The following ABCA1 variants were observed in gnomAD, a reference collection of about 807,000 sequenced individuals.
The protein encoded by ABCA1 is phospholipid-transporting ATPase ABCA1.
A neutral mutation model predicts 262.5 loss-of-function variants in ABCA1; 133 were observed. The ratio of observed to expected loss-of-function variants is 0.51; its 90% CI spans 0.44 to 0.59. The LOEUF is 0.59. Ranked by LOEUF, ABCA1 falls within the 20% of genes least tolerant of loss-of-function variation. ABCA1 has a pLI of 0.00. For missense variants in ABCA1, 2,452 were observed against 2,777.5 expected (o/e 0.88, Z 2.63); for synonymous variants, 1,022 against 1,043.5 (o/e 0.98, Z 0.40).
intron 18 of ABCA1, among the ~76,000 whole-genome samples, chr9:104,823,035 T>G (rs7025776): frequency 0.15 from 22,565 of 151,048 alleles, 2,565 homozygotes; most frequent in African/African-American, 0.31. Context: ...ACACACAACT[T>G]GGATAGATCT....
intron 8 of ABCA1, among the ~76,000 whole-genome samples, chr9:104,841,677 A>G (rs949453251): frequency 3.9e-5 from 6 of 152,064 alleles, no homozygotes; most frequent in Middle Eastern, 3.2e-3. Flanking sequence ...CAAAGCTACA[A>G]CAGTGTGTGG....
rs144805073 is a variant in ABCA1, at chr9:104,847,000, G to C, written c.721-1431C>G. 4.3e-4 allele frequency among the ~76,000 whole-genome samples: 66 copies of C among 152,242 alleles called. No homozygotes were observed. In the Middle Eastern group the frequency reaches 0.017, roughly 39 times the overall value. On this transcript the variant is annotated intron_variant, in intron 7 of 49. Coordinates refer to ENST00000374736, the MANE Select transcript of ABCA1 (RefSeq NM_005502.4). ...GAAAACTATTACAAACACAAACTGA[G>C]AGATCTTAATTGAAAGCTATAGGAG... is the stretch of plus-strand genomic sequence containing the variant.
intron 11 of ABCA1, among the ~76,000 whole-genome samples, chr9:104,835,260 A>G (rs968078443): frequency 5.9e-5 from 9 of 151,708 alleles, no homozygotes; most frequent in South Asian, 4.2e-4. Flanking sequence ...AAAAAAAAAA[A>G]AGAGAAAGAG....
At chr9:104,865,148 T>C (rs972870062) in intron 5 of ABCA1, among the ~76,000 whole-genome samples, 1 of 152,140 alleles carries the variant, frequency 6.6e-6, no homozygotes, top group Non-Finnish European at 1.5e-5. Context: ...TGGTGTAGTA[T>C]ACTGGTTCTC....
At chr9:104,844,027 GAA>G (rs58449867) in intron 8 of ABCA1, among the ~76,000 whole-genome samples, 13,290 of 125,236 alleles carry the variant, frequency 0.11, 2,032 homozygotes, top group African/African-American at 0.34. Context: ...TTTAATGCCA[GAA>G]AAAAAAAAAA....
At chr9:104,886,343 T>C (rs1839172750) in intron 3 of ABCA1, among the ~76,000 whole-genome samples, 1 of 152,212 alleles carries the variant, frequency 6.6e-6, no homozygotes, top group Non-Finnish European at 1.5e-5. Flanking sequence ...CTTTCTTTTC[T>C]ATCCATACTC....
intron 6 of ABCA1, among the ~76,000 whole-genome samples, chr9:104,861,088 A>G (rs1179848980): frequency 1.3e-5 from 2 of 152,138 alleles, no homozygotes; most frequent in Non-Finnish European, 2.9e-5. Flanking sequence ...GAGCTTTGTG[A>G]CACTAGTCCG....
rs1448484388 is a variant in ABCA1, at chr9:104,862,067, CACACACACAT to C, written c.422-277_422-268del. ...GTGCTGTTACACACACACACACACA[CACACACACAT>C]ACACACACACACAGCCTTTCCTTTT... On this transcript the variant is annotated intron_variant, in intron 5 of 49. Coordinates refer to ENST00000374736, the MANE Select transcript of ABCA1 (RefSeq NM_005502.4). Among the ~76,000 whole-genome samples the C allele has an allele frequency of 9.5e-4, 142 of 149,682 alleles. 4 individuals carry two copies. The highest frequency in any genetic ancestry group is 6.8e-3 in the Middle Eastern group (2 of 292).
intron 8 of ABCA1, among the ~76,000 whole-genome samples, chr9:104,841,441 AAAAAAG>A (rs3837273): frequency 0.25 from 37,458 of 150,740 alleles, 5,445 homozygotes; most frequent in East Asian, 0.43. Flanking sequence ...AGTCTTAAAA[AAAAAAG>A]AAAAAGAAAA....
chr9:104,785,918 C>G (rs1828886353), intron 48 of ABCA1, among the ~76,000 whole-genome samples: 2 of 152,218 alleles, frequency 1.3e-5, no homozygotes, highest in Admixed American at 1.3e-4. Context: ...GAGTTAGTCA[C>G]TTGCCCATGG....
chr9:104,848,359 A>C lies in ABCA1; in HGVS notation c.721-2790T>G, dbSNP rs188582379. 1.7e-3 allele frequency among the ~76,000 whole-genome samples: 256 copies of C among 152,220 alleles called. 2 individuals carry two copies. The highest frequency in any genetic ancestry group is 6.0e-3 in the African/African-American group (249 of 41,554). On this transcript the variant is annotated intron_variant, in intron 7 of 49. Transcript: ENST00000374736. ...GCTGGGCATGGTGGCTCACACCTGT[A>C]ATCTCAACACTTTGGGAAGCCAAAG... is the stretch of plus-strand genomic sequence containing the variant.
At chr9:104,852,580 G>C (rs768965631) in intron 7 of ABCA1, among the ~76,000 whole-genome samples, 2 of 152,206 alleles carry the variant, frequency 1.3e-5, no homozygotes, top group Non-Finnish European at 2.9e-5. Context: ...GAAAATGTCT[G>C]TGTAAATGGA....
rs773660829 is a variant in ABCA1 at position 104,790,954 on chromosome 9, A to T, written c.5895T>A (p.Val1965=). The T allele has an allele frequency of 5.0e-6, 8 of 1,613,698 alleles. No homozygotes were observed. The African/African-American group carries it at 6.7e-5, about 13-fold the overall frequency. ...TGTTAAGGAAAGCATCTCCTCTGGT[A>T]ACAGTGGTATCTCCTGTTAACATCT... ...TFKMLTGDTT[V]TRGDAFLNKN... is the part of the protein sequence containing the mutation. The change falls in exon 44 of 50, where the codon GTT becomes GTA. Residue 1965 remains valine, a synonymous_variant. Transcript: ENST00000374736.
intron 7 of ABCA1, among the ~76,000 whole-genome samples, chr9:104,854,602 G>A (rs1835673734): frequency 6.6e-6 from 1 of 152,112 alleles, no homozygotes; most frequent in Non-Finnish European, 1.5e-5. Context: ...TCTGGGAAAG[G>A]TACATGCTGC....
intron 5 of ABCA1, among the ~76,000 whole-genome samples, chr9:104,878,047 G>C (rs953784962): frequency 4.6e-5 from 7 of 152,136 alleles, no homozygotes; most frequent in Non-Finnish European, 5.9e-5. Context: ...AATCATCCCA[G>C]ATACCACACA....
At chr9:104,913,668 C>T (rs1841634931) in intron 1 of ABCA1, among the ~76,000 whole-genome samples, 4 of 152,204 alleles carry the variant, frequency 2.6e-5, no homozygotes, top group Admixed American at 2.0e-4. Context: ...CATTGTTTTA[C>T]TATAAAACCC....
At chr9:104,904,630 T>A (rs1243445152) in intron 1 of ABCA1, among the ~76,000 whole-genome samples, 1 of 150,864 alleles carries the variant, frequency 6.6e-6, no homozygotes, top group Non-Finnish European at 1.5e-5. Flanking sequence ...CAACGTGCCT[T>A]AGATGAGTGT....
chr9:104,816,036 A>C (rs1831722608), intron 25 of ABCA1, 107 bp downstream of exon 25: 3 of 1,268,920 alleles, frequency 2.4e-6, no homozygotes, highest in East Asian at 2.3e-5. Context: ...TGACCTAAAA[A>C]CTCAATGACT....
At chr9:104,851,577 T>C (rs1047290508) in intron 7 of ABCA1, among the ~76,000 whole-genome samples, 5 of 152,222 alleles carry the variant, frequency 3.3e-5, no homozygotes, top group African/African-American at 4.8e-5. Flanking sequence ...ATCCATTCTT[T>C]AGGTCCCCAC....
Sources: gnomAD v4.1 joint callset for allele counts (sites outside exome capture counted in the v4.1 genomes callset) on GRCh38, gnomAD v4.1.1 for gene constraint, MANE v1.5 for transcripts, NCBI Gene and HGNC (gene_info 2026-07-23, HGNC 2026-07-21) for gene names.